NOL4: variants seen among roughly 807,000 people sequenced by gnomAD.
The protein encoded by NOL4 is cancer/testis antigen 125.
NOL4 carries 17 observed loss-of-function variants against 75.9 expected under a neutral mutation model. The ratio of observed to expected loss-of-function variants is 0.22; its 90% CI spans 0.15 to 0.34. The LOEUF (loss-of-function observed/expected upper bound fraction) is 0.34. NOL4 is among the 10% of genes least tolerant of loss of function. The pLI is 1.00. For missense variants in NOL4, 614 were observed against 793.5 expected (o/e 0.77, Z 2.72); for synonymous variants, 292 against 289.9 (o/e 1.01, Z -0.07).
intron 6 of NOL4, among the ~76,000 whole-genome samples, chr18:33,986,817 A>G (rs2072497052): frequency 6.6e-6 from 1 of 152,166 alleles, no homozygotes; most frequent in African/African-American, 2.4e-5. Flanking sequence ...CTGTTTGTAA[A>G]TGTTTACAGC....
intron 10 of NOL4, among the ~76,000 whole-genome samples, chr18:33,867,614 C>T (rs1470347626): frequency 2.0e-5 from 3 of 151,102 alleles, no homozygotes; most frequent in Non-Finnish European, 2.9e-5. Flanking sequence ...CCTGGAAATC[C>T]CTGGAAAGTT....
chr18:33,977,644 A>G (rs1007273359), intron 6 of NOL4, among the ~76,000 whole-genome samples: 2 of 152,098 alleles, frequency 1.3e-5, no homozygotes, highest in African/African-American at 4.8e-5. Flanking sequence ...ACCCATCCAT[A>G]CCTACTATGT....
At chr18:33,867,975 A>G (rs1233584768) in intron 10 of NOL4, among the ~76,000 whole-genome samples, 1 of 151,994 alleles carries the variant, frequency 6.6e-6, no homozygotes, top group Non-Finnish European at 1.5e-5. Flanking sequence ...CAAGTCTTCA[A>G]TTGATGGGAT....
intron 9 of NOL4, among the ~76,000 whole-genome samples, chr18:33,897,620 G>A (rs2065488083): frequency 6.6e-6 from 1 of 152,048 alleles, no homozygotes; most frequent in Non-Finnish European, 1.5e-5. Flanking sequence ...GAGGAAGGTG[G>A]GAGGAGGAAG....
intron 10 of NOL4, among the ~76,000 whole-genome samples, chr18:33,855,759 T>C (rs1351459087): frequency 6.6e-6 from 1 of 152,152 alleles, no homozygotes; most frequent in Admixed American, 6.6e-5. Context: ...GTTTGAGGGA[T>C]ATTTAAGTTA....
At chr18:34,080,044 C>T (rs1358850836) in intron 5 of NOL4, among the ~76,000 whole-genome samples, 1 of 152,138 alleles carries the variant, frequency 6.6e-6, no homozygotes, top group Non-Finnish European at 1.5e-5. Context: ...ATACCTAATA[C>T]CAAAATATTG....
chr18:34,210,702 T>C (rs2036455386), intron 1 of NOL4, among the ~76,000 whole-genome samples: 1 of 152,234 alleles, frequency 6.6e-6, no homozygotes, highest in African/African-American at 2.4e-5. Flanking sequence ...CATACAGTGT[T>C]ATAGCCATTC....
intron 6 of NOL4, among the ~76,000 whole-genome samples, chr18:33,994,292 T>C (rs2073123487): frequency 6.6e-6 from 1 of 151,818 alleles, no homozygotes; most frequent in African/African-American, 2.4e-5. Flanking sequence ...AAAAACAACA[T>C]TATACTCCAG....
chr18:34,091,787 T>C (rs1404250328), intron 5 of NOL4, among the ~76,000 whole-genome samples: 1 of 152,068 alleles, frequency 6.6e-6, no homozygotes, highest in African/African-American at 2.4e-5. Flanking sequence ...CAGCAAGAAA[T>C]GTAAGAAAAA....
intron 1 of NOL4, among the ~76,000 whole-genome samples, chr18:34,146,609 C>T (rs867221064): frequency 3.9e-5 from 6 of 152,028 alleles, no homozygotes; most frequent in East Asian, 3.9e-4. Context: ...AGCAGTACCA[C>T]GCTGCTTTGG....
intron 9 of NOL4, among the ~76,000 whole-genome samples, chr18:33,887,042 C>CTATATATCTAGATATATTATATT (rs2064763144): frequency 7.7e-6 from 1 of 129,958 alleles, no homozygotes; most frequent in Non-Finnish European, 1.6e-5. Context: ...TATATTATAT[C>CTATATATCTAGATATATTATATT]TAGATCTAAT....
At chr18:33,869,815 G>A (rs1389585846) in intron 10 of NOL4, among the ~76,000 whole-genome samples, 1 of 152,008 alleles carries the variant, frequency 6.6e-6, no homozygotes. Flanking sequence ...GAACACATGT[G>A]TCTGACTTCT....
rs1801552773 is a variant in NOL4, at chr18:33,864,836, C to T, written c.1724-11801G>A. On this transcript the variant is annotated intron_variant, in intron 10 of 10. Transcript: ENST00000261592. Reference sequence around the variant, plus strand: ...GGCCCCAGGAAACTTACAATCATGGCAGAAGCAGAAGTTAACACATCTTAT... The same window carrying T: ...GGCCCCAGGAAACTTACAATCATGGTAGAAGCAGAAGTTAACACATCTTAT... Among the ~76,000 whole-genome samples, 2 of 152,108 alleles carry T rather than the reference C, an allele frequency of 1.3e-5. 1 individual carries two copies. Among genetic ancestry groups the T allele is most frequent in the East Asian group, 3.9e-4 (2 of 5,178 alleles).
chr18:33,863,685 C>T (rs1411795941), intron 10 of NOL4, among the ~76,000 whole-genome samples: 1 of 152,138 alleles, frequency 6.6e-6, no homozygotes, highest in African/African-American at 2.4e-5. Context: ...GTGACTGAGG[C>T]TTTTTCAAGC....
At chr18:34,110,464 G>A (rs760983855) in intron 2 of NOL4, among the ~76,000 whole-genome samples, 1 of 152,136 alleles carries the variant, frequency 6.6e-6, no homozygotes, top group South Asian at 2.1e-4. Flanking sequence ...TTCAGAAAAA[G>A]CATTTGACAA....
At chr18:34,009,578 AATT>A (rs2074254103) in intron 6 of NOL4, among the ~76,000 whole-genome samples, 1 of 151,872 alleles carries the variant, frequency 6.6e-6, no homozygotes, top group South Asian at 2.1e-4. Flanking sequence ...ATAGGTTAAG[AATT>A]ATTATCATCA....
At chr18:34,088,716 A>C (rs1271767150) in intron 5 of NOL4, among the ~76,000 whole-genome samples, 1 of 151,728 alleles carries the variant, frequency 6.6e-6, no homozygotes, top group Admixed American at 6.6e-5. Flanking sequence ...TAAGTCTGTA[A>C]AAAAAAATTT....
intron 5 of NOL4, among the ~76,000 whole-genome samples, chr18:34,030,781 C>A (rs1362807921): frequency 6.6e-6 from 1 of 151,912 alleles, no homozygotes; most frequent in African/African-American, 2.4e-5. Context: ...CTGATCTACT[C>A]TACATATACT....
At chr18:34,024,192 AAAATATATAT>A (rs1192121959) in intron 5 of NOL4, among the ~76,000 whole-genome samples, 2 of 76,180 alleles carry the variant, frequency 2.6e-5, no homozygotes, top group African/African-American at 9.8e-5. Flanking sequence ...AAAAAAAAAA[AAAATATATAT>A]ATATATATAT....
Sources: gnomAD v4.1 joint callset for allele counts (sites outside exome capture counted in the v4.1 genomes callset) on GRCh38, gnomAD v4.1.1 for gene constraint, MANE v1.5 for transcripts, NCBI Gene and HGNC (gene_info 2026-07-23, HGNC 2026-07-21) for gene names.